GRIK4: variants seen among roughly 807,000 people sequenced by gnomAD.
The protein encoded by GRIK4 is glutamate receptor ionotropic, kainate 4.
In GRIK4, 40 loss-of-function variants were observed where a neutral mutation model predicts 104.9. The ratio of observed to expected loss-of-function variants is 0.38; its 90% CI spans 0.30 to 0.50. The LOEUF (loss-of-function observed/expected upper bound fraction) is 0.50. Ranked by LOEUF, GRIK4 falls within the 20% of genes least tolerant of loss-of-function variation. The pLI, the probability that GRIK4 is intolerant of heterozygous loss-of-function variation, is 0.93. For synonymous variants in GRIK4, 485 were observed against 524.9 expected (o/e 0.92, Z 1.04); for missense variants, 1,047 against 1,308.1 (o/e 0.80, Z 3.08).
chr11:120,767,339 A>T (rs766082971), intron 3 of GRIK4, among the ~76,000 whole-genome samples: 6 of 152,154 alleles, frequency 3.9e-5, no homozygotes, highest in African/African-American at 1.4e-4. Context: ...GGCCATTTGT[A>T]TGTATTCTTG....
intron 1 of GRIK4, among the ~76,000 whole-genome samples, chr11:120,600,655 G>A (rs1035356561): frequency 2.0e-5 from 3 of 152,238 alleles, no homozygotes; most frequent in Non-Finnish European, 4.4e-5. Context: ...GGTTCTGGGA[G>A]TCCCTGGCAT....
rs182675704 is a variant in GRIK4, at chr11:120,665,767, C to T, written c.82+5367C>T. On this transcript the variant is annotated intron_variant, in intron 3 of 20. Transcript: ENST00000527524. Reference sequence around the variant, plus strand: ...GCGCGTGTGTCTGCACACACTTGTGCTTATGTAAGGCTATCTCTCCTCTCC... The same window carrying T: ...GCGCGTGTGTCTGCACACACTTGTGTTTATGTAAGGCTATCTCTCCTCTCC... 6.1e-4 allele frequency among the ~76,000 whole-genome samples: 93 copies of T among 152,306 alleles called. 1 individual carries two copies. The highest frequency in any genetic ancestry group is 3.2e-4 in the Non-Finnish European group (22 of 68,024).
At chr11:120,592,724 C>A (rs1244384880) in intron 1 of GRIK4, among the ~76,000 whole-genome samples, 1 of 152,118 alleles carries the variant, frequency 6.6e-6, no homozygotes, top group African/African-American at 2.4e-5. Context: ...CCCCTTTACA[C>A]CCTGAACTCT....
At chr11:120,589,560 G>T (rs1417302536) in intron 1 of GRIK4, among the ~76,000 whole-genome samples, 2 of 152,268 alleles carry the variant, frequency 1.3e-5, no homozygotes, top group African/African-American at 4.8e-5. Flanking sequence ...ACTCCTGCAG[G>T]ACAGGGCTCA....
At position 120,572,132 on chromosome 11, in the gene GRIK4, C is replaced by A. The variant is rs919521321; in HGVS notation, c.-159+60245C>A. 2.0e-5 allele frequency among the ~76,000 whole-genome samples: 3 copies of A among 152,184 alleles called. 1 individual carries two copies. In the South Asian group the frequency reaches 6.2e-4, roughly 31 times the overall value. ...GATGGCCATCTTCCTGTTGTCTTCT[C>A]ACATGGCGGAGAGCAGAGAGAGCAA... On this transcript the variant is annotated intron_variant, in intron 1 of 20. Transcript: ENST00000527524.
chr11:120,519,946 G>A (rs962297811), intron 1 of GRIK4, among the ~76,000 whole-genome samples: 2 of 148,328 alleles, frequency 1.3e-5, no homozygotes, highest in African/African-American at 5.0e-5. Context: ...AGGCTGGAGT[G>A]CAGAGGCGCG....
chr11:120,661,217 G>A (rs369763247), intron 3 of GRIK4, among the ~76,000 whole-genome samples: 1 of 152,148 alleles, frequency 6.6e-6, no homozygotes, highest in South Asian at 2.1e-4. Context: ...GTGGGGTGTC[G>A]GGGATCAGGG....
At position 120,836,782 on chromosome 11, in the gene GRIK4, G is replaced by C. The variant is rs201876969; in HGVS notation, c.691-9G>C. On this transcript the variant is annotated splice_polypyrimidine_tract_variant and intron_variant, in intron 7 of 20. Transcript: ENST00000527524. ...TTTCTTCTCTAATCTCCTTCTCTTCGCCTTGCAGGCAGCCGAACTTGGGAT... is the reference window on the plus strand; with the variant it reads ...TTTCTTCTCTAATCTCCTTCTCTTCCCCTTGCAGGCAGCCGAACTTGGGAT... The C allele has an allele frequency of 6.3e-7, 1 of 1,594,616 alleles. No homozygotes were observed. The highest frequency in any genetic ancestry group is 8.6e-7 in the Non-Finnish European group (1 of 1,162,224).
At chr11:120,666,300 G>A (rs889171180) in intron 3 of GRIK4, among the ~76,000 whole-genome samples, 23 of 152,336 alleles carry the variant, frequency 1.5e-4, no homozygotes, top group African/African-American at 5.1e-4. Flanking sequence ...GAGTGGTCAG[G>A]TCAGGAAGAG....
chr11:120,836,017 G>T (rs1016921637), intron 7 of GRIK4, among the ~76,000 whole-genome samples: 1 of 152,168 alleles, frequency 6.6e-6, no homozygotes, highest in African/African-American at 2.4e-5. Context: ...ACTTGTTTCC[G>T]ACGTCACTGC....
chr11:120,717,103 G>A (rs1379127575), intron 3 of GRIK4, among the ~76,000 whole-genome samples: 3 of 152,208 alleles, frequency 2.0e-5, no homozygotes, highest in Non-Finnish European at 4.4e-5. Flanking sequence ...CCAGCCAGGA[G>A]ATTTTTCCTG....
intron 3 of GRIK4, among the ~76,000 whole-genome samples, chr11:120,759,636 T>C (rs1237028060): frequency 6.6e-6 from 1 of 152,078 alleles, no homozygotes; most frequent in Non-Finnish European, 1.5e-5. Context: ...AATGCCTGGC[T>C]CTGATTGACT....
At chr11:120,595,119 T>C (rs1206543793) in intron 1 of GRIK4, among the ~76,000 whole-genome samples, 7 of 152,230 alleles carry the variant, frequency 4.6e-5, no homozygotes, top group African/African-American at 1.2e-4. Flanking sequence ...GTCTGTTGCA[T>C]GTGGCTGAGC....
rs141447537 is a variant in GRIK4 at position 120,607,726 on chromosome 11, G to C, written c.-158-45959G>C. Among the ~76,000 whole-genome samples, 583 of 152,262 alleles carry C rather than the reference G, an allele frequency of 3.8e-3. 6 individuals carry two copies. Among genetic ancestry groups the C allele is most frequent in the African/African-American group, 0.013 (547 of 41,540 alleles). ...CAGATTTGGGCTTTATTTGGGTAGAGATGCAGCCAAAGCCACGGGCCCAGA... is the reference window on the plus strand; with the variant it reads ...CAGATTTGGGCTTTATTTGGGTAGACATGCAGCCAAAGCCACGGGCCCAGA... On this transcript the variant is annotated intron_variant, in intron 1 of 20. Coordinates refer to ENST00000527524, the MANE Select transcript of GRIK4 (RefSeq NM_014619.5).
In GRIK4 at chr11:120,986,605, A is replaced by T. The variant is rs1428740133; in HGVS notation, c.*345A>T. ...CCAGACCAGTCCAATGAATTGGTGGAATCATCAGTTGAATTTCCCCCTAGT... is the reference window on the plus strand; with the variant it reads ...CCAGACCAGTCCAATGAATTGGTGGTATCATCAGTTGAATTTCCCCCTAGT... On this transcript the variant is annotated 3_prime_UTR_variant, in exon 21 of 21. Coordinates refer to ENST00000527524, the MANE Select transcript of GRIK4 (RefSeq NM_014619.5). 1 of 217,830 alleles carries T rather than the reference A, an allele frequency of 4.6e-6. No individual in the cohort carries two copies. Among genetic ancestry groups the T allele is most frequent in the Non-Finnish European group, 8.9e-6 (1 of 112,584 alleles). 13.5% of individuals were successfully genotyped at this position (217,830 alleles called of 1,614,324 possible). A position where few individuals can be genotyped will look rare whatever the true frequency, so the allele number is the denominator to read the frequency against.
At chr11:120,576,217 G>A (rs774611957) in intron 1 of GRIK4, among the ~76,000 whole-genome samples, 1 of 152,170 alleles carries the variant, frequency 6.6e-6, no homozygotes, top group East Asian at 1.9e-4. Flanking sequence ...TCCAGTGGTC[G>A]AGGGGTGAGT....
chr11:120,679,372 T>C (rs1469277077), intron 3 of GRIK4, among the ~76,000 whole-genome samples: 1 of 152,196 alleles, frequency 6.6e-6, no homozygotes, highest in Non-Finnish European at 1.5e-5. Flanking sequence ...ATGGAAAACC[T>C]AGTGCCCCCG....
chr11:120,521,912 C>T (rs538843890), intron 1 of GRIK4, among the ~76,000 whole-genome samples: 28 of 152,334 alleles, frequency 1.8e-4, no homozygotes, highest in Admixed American at 3.9e-4. Context: ...TCTCCATTTT[C>T]CCCTTCTTCT....
At position 120,551,696 on chromosome 11, in the gene GRIK4, G is replaced by T. The variant is rs1165378443; in HGVS notation, c.-159+39809G>T. On this transcript the variant is annotated intron_variant, in intron 1 of 20. Coordinates refer to ENST00000527524, the MANE Select transcript of GRIK4 (RefSeq NM_014619.5). Reference sequence around the variant, plus strand: ...CTCGGGAGGCTGAGGCAGGAGAATCGATTGAACCTGGGAGGCAGAGGTTGC... The same window carrying T: ...CTCGGGAGGCTGAGGCAGGAGAATCTATTGAACCTGGGAGGCAGAGGTTGC... Among the ~76,000 whole-genome samples, 5 of 152,196 alleles carry T rather than the reference G, an allele frequency of 3.3e-5. No homozygotes were observed. In the East Asian group the frequency reaches 9.7e-4, roughly 29 times the overall value.
Sources: gnomAD v4.1 joint callset for allele counts (sites outside exome capture counted in the v4.1 genomes callset) on GRCh38, gnomAD v4.1.1 for gene constraint, MANE v1.5 for transcripts, NCBI Gene and HGNC (gene_info 2026-07-23, HGNC 2026-07-21) for gene names.